Variants in ZNF236 observed in about 807,000 individuals in gnomAD.
ZNF236 encodes the protein regulated by glucose.
A neutral mutation model predicts 191.2 loss-of-function variants in ZNF236; 50 were observed. The ratio of observed to expected loss-of-function variants is 0.26; its 90% CI spans 0.21 to 0.33. The LOEUF is 0.33. ZNF236 is among the 10% of genes least tolerant of loss of function. The pLI, the probability that ZNF236 is intolerant of heterozygous loss-of-function variation, is 1.00. For missense variants in ZNF236, 1,754 were observed against 2,374.5 expected (o/e 0.74, Z 5.43); for synonymous variants, 907 against 928.8 (o/e 0.98, Z 0.43).
chr18:76,827,864 G>A (rs887673773), intron 1 of ZNF236, among the ~76,000 whole-genome samples: 1 of 152,226 alleles, frequency 6.6e-6, no homozygotes, highest in Non-Finnish European at 1.5e-5. Flanking sequence ...ATGTGACCTT[G>A]AGGGAAACCA....
chr18:76,864,812 A>G (rs1976358476), intron 3 of ZNF236, among the ~76,000 whole-genome samples: 1 of 151,856 alleles, frequency 6.6e-6, no homozygotes, highest in Non-Finnish European at 1.5e-5. Flanking sequence ...GTAGATTGTG[A>G]TAAGTTCCGT....
chr18:76,949,497 A>G (rs1282836322), intron 27 of ZNF236, among the ~76,000 whole-genome samples: 1 of 152,204 alleles, frequency 6.6e-6, no homozygotes, highest in East Asian at 1.9e-4. Flanking sequence ...ATGAGTGAAT[A>G]CAGGCATACC....
At chr18:76,848,247 A>G (rs1480918790) in intron 1 of ZNF236, among the ~76,000 whole-genome samples, 1 of 152,230 alleles carries the variant, frequency 6.6e-6, no homozygotes, top group East Asian at 1.9e-4. Context: ...ACTCTTGAGA[A>G]CAAGGGGCTT....
intron 1 of ZNF236, chr18:76,834,784 G>A: frequency 2.2e-6 from 1 of 458,892 alleles, no homozygotes. Context: ...TTAGCTCTTT[G>A]GAAAGAAGGG....
chr18:76,837,777 G>A (rs1409279293), intron 1 of ZNF236, among the ~76,000 whole-genome samples: 1 of 152,108 alleles, frequency 6.6e-6, no homozygotes, highest in Non-Finnish European at 1.5e-5. Flanking sequence ...ATCCACTTCG[G>A]CTAGAACTGT....
chr18:76,944,176 ACT>A (rs1303793690), intron 26 of ZNF236, among the ~76,000 whole-genome samples: 3 of 151,940 alleles, frequency 2.0e-5, no homozygotes, highest in African/African-American at 7.3e-5. Flanking sequence ...CTTCCCTGTG[ACT>A]CTGACGCAGC....
At chr18:76,873,868 G>A (rs1477518864) in intron 5 of ZNF236, among the ~76,000 whole-genome samples, 1 of 150,718 alleles carries the variant, frequency 6.6e-6, no homozygotes, top group African/African-American at 2.4e-5. Context: ...CGCTGTCACC[G>A]TGCCTCCTGC....
In ZNF236 at chr18:76,960,541, T is replaced by G; in HGVS notation, c.5243-138T>G. 1 of 1,145,964 alleles carries G rather than the reference T, an allele frequency of 8.7e-7. No homozygotes were observed. The highest frequency in any genetic ancestry group is 1.3e-6 in the Non-Finnish European group (1 of 786,052). The allele number at this position is 1,145,964 out of a possible 1,614,324, so 71.0% of individuals were successfully genotyped here. Reference sequence around the variant, plus strand: ...GGTCTCCCTATGGCTCCTCCAGCCCTTTGTTCAGATGACAGCCAGGCTGAA... The same window carrying G: ...GGTCTCCCTATGGCTCCTCCAGCCCGTTGTTCAGATGACAGCCAGGCTGAA... On this transcript the variant is annotated intron_variant, in intron 29 of 30. Coordinates refer to ENST00000320610, the MANE Select transcript of ZNF236 (RefSeq NM_001306089.2). This position sits in a 1 kb window ranked among gnomAD's most constrained non-coding sequence, Gnocchi z 4.4.
intron 10 of ZNF236, 179 bp downstream of exon 10, chr18:76,895,464 A>G (rs1599372442): frequency 1.2e-6 from 1 of 859,878 alleles, no homozygotes; most frequent in Non-Finnish European, 1.8e-6. Context: ...GTGGCCCGCA[A>G]TGCAGCACCC....
intron 3 of ZNF236, among the ~76,000 whole-genome samples, chr18:76,857,931 C>T (rs1266200471): frequency 2.0e-5 from 3 of 152,054 alleles, no homozygotes; most frequent in East Asian, 1.9e-4. Flanking sequence ...AAAACATCAG[C>T]GATGTTTGGT....
chr18:76,899,407 CT>C (rs1305370129), intron 11 of ZNF236, among the ~76,000 whole-genome samples, 185 bp downstream of exon 11: 60 of 152,314 alleles, frequency 3.9e-4, no homozygotes, highest in African/African-American at 1.3e-3. Flanking sequence ...AGATTAAAAT[CT>C]AAGTTGTATC....
At chr18:76,852,416 GC>G (rs1288841052) in intron 3 of ZNF236, among the ~76,000 whole-genome samples, 3 of 152,180 alleles carry the variant, frequency 2.0e-5, no homozygotes, top group African/African-American at 2.4e-5. Flanking sequence ...AGCTCCACAG[GC>G]CCAATGTCTG....
chr18:76,921,878 C>T (rs1967546579), intron 20 of ZNF236, among the ~76,000 whole-genome samples: 1 of 150,408 alleles, frequency 6.6e-6, no homozygotes, highest in African/African-American at 2.4e-5. Flanking sequence ...TCCTATCCTT[C>T]ATTTTAAAAA....
At chr18:76,894,924 G>T in intron 9 of ZNF236, 89 bp from the exon 10 acceptor site, 1 of 1,530,488 alleles carries the variant, frequency 6.5e-7, no homozygotes, top group Non-Finnish European at 8.8e-7. Flanking sequence ...GATCATGCGT[G>T]CAGCTTTCTG....
At chr18:76,923,918 C>T (rs185455134) in intron 21 of ZNF236, among the ~76,000 whole-genome samples, 5 of 152,262 alleles carry the variant, frequency 3.3e-5, no homozygotes, top group South Asian at 2.1e-4. Context: ...CTGTGGTAAA[C>T]GCACAGTGAA....
intron 5 of ZNF236, among the ~76,000 whole-genome samples, chr18:76,874,747 G>A (rs1009867625): frequency 1.4e-5 from 2 of 147,416 alleles, no homozygotes; most frequent in African/African-American, 5.1e-5. Context: ...GGCAAGAACC[G>A]CCCAGGCGGC....
At chr18:76,852,474 A>G (rs1247261394) in intron 3 of ZNF236, among the ~76,000 whole-genome samples, 1 of 152,116 alleles carries the variant, frequency 6.6e-6, no homozygotes, top group African/African-American at 2.4e-5. Context: ...TGGGGGCTGA[A>G]TCTAAGGTGC....
At position 76,904,536 on chromosome 18, in the gene ZNF236, T is replaced by C. The variant is rs994683302; in HGVS notation, c.2036+15T>C. On this transcript the variant is annotated intron_variant, in intron 12 of 30. Transcript: ENST00000320610. Reference sequence around the variant, plus strand: ...CAACACATCAGGTAAGGTAACGGATTCACAGATGGAAATTTAGTATAATTA... The same window carrying C: ...CAACACATCAGGTAAGGTAACGGATCCACAGATGGAAATTTAGTATAATTA... 6.4e-7 allele frequency: 1 copy of C among 1,561,560 alleles called. No individual in the cohort carries two copies. Among genetic ancestry groups the C allele is most frequent in the African/African-American group, 1.4e-5 (1 of 72,708 alleles).
At chr18:76,869,565 G>A (rs866404273) in intron 4 of ZNF236, among the ~76,000 whole-genome samples, 71 of 152,210 alleles carry the variant, frequency 4.7e-4, no homozygotes, top group Middle Eastern at 6.8e-3. Flanking sequence ...TCTTAATAAA[G>A]TGAAATAAAA....
Sources: allele counts gnomAD v4.1 joint callset (sites outside exome capture counted in the v4.1 genomes callset), GRCh38; gene constraint gnomAD v4.1.1; non-coding constraint Gnocchi (gnomAD v3.1); transcripts MANE v1.5; gene names NCBI Gene and HGNC (gene_info 2026-07-23, HGNC 2026-07-21).